NALF1: variants seen among roughly 807,000 people sequenced by gnomAD.
NALF1 encodes the protein family with sequence similarity 155 member A.
NALF1 carries 3 observed loss-of-function variants against 48.4 expected under a neutral mutation model. The ratio of observed to expected loss-of-function variants is 0.06; its 90% CI spans 0.03 to 0.16. The LOEUF (loss-of-function observed/expected upper bound fraction) is 0.16, where lower values mean the gene tolerates loss of function less well. Ranked by LOEUF, NALF1 falls within the 10% of genes least tolerant of loss-of-function variation. The pLI is 1.00. For missense variants in NALF1, 526 were observed against 571.5 expected (o/e 0.92, Z 0.81); for synonymous variants, 262 against 245.7 (o/e 1.07, Z -0.62).
intron 1 of NALF1, among the ~76,000 whole-genome samples, chr13:107,568,304 A>T (rs1369773845): frequency 6.6e-6 from 1 of 152,206 alleles, no homozygotes. Flanking sequence ...ATTGCTGGAC[A>T]GTTTTTCATT....
At chr13:107,630,446 C>T (rs1240497082) in intron 1 of NALF1, among the ~76,000 whole-genome samples, 1 of 152,012 alleles carries the variant, frequency 6.6e-6, no homozygotes, top group Non-Finnish European at 1.5e-5. Context: ...CAGCAAATTG[C>T]ATTACACCAG....
At chr13:107,229,611 C>T (rs1313154200) in intron 1 of NALF1, among the ~76,000 whole-genome samples, 2 of 152,094 alleles carry the variant, frequency 1.3e-5, no homozygotes, top group South Asian at 2.1e-4. Flanking sequence ...TGGAGGAAGG[C>T]TGGTTTATCG....
rs1473966670 is a variant in NALF1 at position 107,166,488 on chromosome 13, T to C, written c.*4009A>G. 1 of 152,118 alleles carries C rather than the reference T, an allele frequency of 6.6e-6. No homozygotes were observed. Among genetic ancestry groups the C allele is most frequent in the Non-Finnish European group, 1.5e-5 (1 of 68,008 alleles). 9.4% of individuals were successfully genotyped at this position (152,118 alleles called of 1,614,324 possible). On this transcript the variant is annotated 3_prime_UTR_variant, in exon 3 of 3. Transcript: ENST00000375915. ...GCAGTTCTAAATAAATAAAACAAAATGCAGCTTTCAGTTCTGTGTTGATTT... is the reference window on the plus strand; with the variant it reads ...GCAGTTCTAAATAAATAAAACAAAACGCAGCTTTCAGTTCTGTGTTGATTT...
At chr13:107,379,139 C>T (rs531827418) in intron 1 of NALF1, among the ~76,000 whole-genome samples, 1 of 152,256 alleles carries the variant, frequency 6.6e-6, no homozygotes, top group Non-Finnish European at 1.5e-5. Context: ...GACCACCTTG[C>T]AAGTTACAGA....
At chr13:107,340,347 G>C (rs1371673988) in intron 1 of NALF1, among the ~76,000 whole-genome samples, 1 of 151,322 alleles carries the variant, frequency 6.6e-6, no homozygotes, top group African/African-American at 2.4e-5. Flanking sequence ...CACCATATTA[G>C]CCCAGCTGGT....
intron 1 of NALF1, among the ~76,000 whole-genome samples, chr13:107,608,087 C>G (rs1387563747): frequency 2.6e-5 from 4 of 152,144 alleles, no homozygotes; most frequent in African/African-American, 2.4e-5. Flanking sequence ...GGTGTAATTT[C>G]TCTCCCTCTA....
At chr13:107,456,090 A>T (rs1753978677) in intron 1 of NALF1, among the ~76,000 whole-genome samples, 2 of 152,154 alleles carry the variant, frequency 1.3e-5, no homozygotes, top group South Asian at 4.1e-4. Context: ...TCTCTTTTTG[A>T]CTGAAGCCTT....
chr13:107,705,534 A>G (rs1881928664), intron 1 of NALF1, among the ~76,000 whole-genome samples: 2 of 152,008 alleles, frequency 1.3e-5, no homozygotes, highest in Admixed American at 6.5e-5. Flanking sequence ...ATATGTATAT[A>G]ATAGTCCAAG....
At chr13:107,615,634 G>A (rs1879359545) in intron 1 of NALF1, among the ~76,000 whole-genome samples, 1 of 152,150 alleles carries the variant, frequency 6.6e-6, no homozygotes, top group South Asian at 2.1e-4. Flanking sequence ...CATTAACATT[G>A]TGTACACACA....
intron 1 of NALF1, among the ~76,000 whole-genome samples, chr13:107,645,841 G>A (rs576211032): frequency 1.3e-4 from 20 of 152,198 alleles, no homozygotes; most frequent in African/African-American, 4.1e-4. Flanking sequence ...TCCTCTCTGG[G>A]ATTTTAATTT....
chr13:107,781,003 G>T (rs796771979), intron 1 of NALF1, among the ~76,000 whole-genome samples: 17 of 152,206 alleles, frequency 1.1e-4, no homozygotes, highest in African/African-American at 4.1e-4. Context: ...GATAATATAT[G>T]CTAAGTGTTT....
At chr13:107,687,051 A>C (rs946529942) in intron 1 of NALF1, among the ~76,000 whole-genome samples, 7 of 152,226 alleles carry the variant, frequency 4.6e-5, no homozygotes, top group Non-Finnish European at 1.0e-4. Flanking sequence ...GAATCAACTT[A>C]AGCGTCCATC....
Position 107,294,845 on chromosome 13 carries a change from G to A in NALF1, c.916-84090C>T, listed in dbSNP as rs183511217. Among the ~76,000 whole-genome samples, 9 of 152,286 alleles carry A rather than the reference G, an allele frequency of 5.9e-5. No individual in the cohort carries two copies. In the East Asian group the frequency reaches 1.5e-3, roughly 26 times the overall value. ...GATAAGAGTAAAATACGTACCTCAC[G>A]TGGTTATCGAGAGGATGAAAATGAG... On this transcript the variant is annotated intron_variant, in intron 1 of 2. Transcript: ENST00000375915.
At chr13:107,189,130 G>T (rs1879233078) in intron 2 of NALF1, among the ~76,000 whole-genome samples, 1 of 152,240 alleles carries the variant, frequency 6.6e-6, no homozygotes, top group Admixed American at 6.5e-5. Context: ...CATAAGCTAA[G>T]TTGAGGAATA....
intron 1 of NALF1, among the ~76,000 whole-genome samples, chr13:107,387,362 G>A (rs1883547946): frequency 6.6e-6 from 1 of 152,114 alleles, no homozygotes; most frequent in South Asian, 2.1e-4. Flanking sequence ...ACAGCACCAA[G>A]CAGCAGGTTC....
At chr13:107,293,760 T>C (rs1426656583) in intron 1 of NALF1, among the ~76,000 whole-genome samples, 1 of 152,184 alleles carries the variant, frequency 6.6e-6, no homozygotes, top group Non-Finnish European at 1.5e-5. Context: ...AATGTACATT[T>C]GCAAGAAGTA....
intron 2 of NALF1, among the ~76,000 whole-genome samples, chr13:107,207,781 G>A (rs753297250): frequency 1.3e-5 from 2 of 152,172 alleles, no homozygotes; most frequent in Admixed American, 1.3e-4. Context: ...AAATAGCTGC[G>A]ACTACAGGTG....
At chr13:107,234,827 T>C (rs1049435167) in intron 1 of NALF1, among the ~76,000 whole-genome samples, 1 of 152,222 alleles carries the variant, frequency 6.6e-6, no homozygotes, top group African/African-American at 2.4e-5. Context: ...ATGACATCTC[T>C]ATTTTTGGTA....
chr13:107,511,233 C>T (rs569915910), intron 1 of NALF1, among the ~76,000 whole-genome samples: 20 of 152,246 alleles, frequency 1.3e-4, no homozygotes, highest in Admixed American at 9.2e-4. Flanking sequence ...GTCTCAAATC[C>T]GACTCTTCCG....
Sources: gnomAD v4.1 joint callset for allele counts (sites outside exome capture counted in the v4.1 genomes callset) on GRCh38, gnomAD v4.1.1 for gene constraint, MANE v1.5 for transcripts, NCBI Gene and HGNC (gene_info 2026-07-23, HGNC 2026-07-21) for gene names.